Variants in PPARG observed in about 807,000 individuals in gnomAD.
PPARG encodes peroxisome proliferator-activated receptor gamma.
In PPARG, 17 loss-of-function variants were observed where a neutral mutation model predicts 39.2. The ratio of observed to expected loss-of-function variants is 0.43; its 90% CI spans 0.30 to 0.65. The LOEUF (loss-of-function observed/expected upper bound fraction) is 0.65, where lower values mean the gene tolerates loss of function less well. PPARG is among the 30% of genes least tolerant of loss of function. The pLI, the probability that PPARG is intolerant of heterozygous loss-of-function variation, is 0.13. For missense variants in PPARG, 406 were observed against 585.9 expected (o/e 0.69, Z 3.17); for synonymous variants, 223 against 215.7 (o/e 1.03, Z -0.30).
intron 2 of PPARG, among the ~76,000 whole-genome samples, chr3:12,346,078 G>T (rs2048316903): frequency 6.6e-6 from 1 of 152,222 alleles, no homozygotes; most frequent in Non-Finnish European, 1.5e-5. Flanking sequence ...TTGGTTCAAA[G>T]TTACAGTAAT....
At chr3:12,291,555 A>G (rs1337212946) in intron 1 of PPARG, among the ~76,000 whole-genome samples, 1 of 152,206 alleles carries the variant, frequency 6.6e-6, no homozygotes, top group Non-Finnish European at 1.5e-5. Context: ...TATTTAACTA[A>G]AATGTCATGT....
At chr3:12,405,639 A>T (rs2050631854) in intron 5 of PPARG, among the ~76,000 whole-genome samples, 1 of 152,218 alleles carries the variant, frequency 6.6e-6, no homozygotes. Context: ...GAATTCTTTC[A>T]CTTTCTCAGC....
At chr3:12,316,587 G>A (rs556402980) in intron 2 of PPARG, among the ~76,000 whole-genome samples, 1 of 151,616 alleles carries the variant, frequency 6.6e-6, no homozygotes, top group African/African-American at 2.4e-5. Flanking sequence ...ATTTTATATT[G>A]TGTATATTTT....
chr3:12,289,535 A>T (rs768386341), intron 1 of PPARG, among the ~76,000 whole-genome samples: 29 of 152,198 alleles, frequency 1.9e-4, no homozygotes, highest in Non-Finnish European at 4.0e-4. Flanking sequence ...TCGTGAGACA[A>T]ATTGTTAACT....
intron 1 of PPARG, among the ~76,000 whole-genome samples, chr3:12,295,644 G>A (rs558936972): frequency 1.3e-5 from 2 of 151,836 alleles, no homozygotes; most frequent in South Asian, 4.2e-4. Context: ...CTCCCGAGTA[G>A]CTGGGATTAC....
chr3:12,353,739 T>C (rs1025693884), intron 2 of PPARG, among the ~76,000 whole-genome samples: 1 of 152,228 alleles, frequency 6.6e-6, no homozygotes, highest in African/African-American at 2.4e-5. Context: ...GCTCCATCAT[T>C]GCTGTGACCC....
chr3:12,422,175 A>C (rs530735851), intron 7 of PPARG, among the ~76,000 whole-genome samples: 1 of 152,328 alleles, frequency 6.6e-6, no homozygotes, highest in African/African-American at 2.4e-5. Context: ...ATGCTTGTTG[A>C]GTGAATAATC....
chr3:12,385,470 AC>A (rs1490296634), intron 4 of PPARG, among the ~76,000 whole-genome samples: 1 of 152,168 alleles, frequency 6.6e-6, no homozygotes, highest in Non-Finnish European at 1.5e-5. Context: ...GTAAAATAAA[AC>A]CTTTAGCAAC....
chr3:12,377,856 G>C (rs1175185861), intron 2 of PPARG, among the ~76,000 whole-genome samples: 1 of 152,078 alleles, frequency 6.6e-6, no homozygotes, highest in African/African-American at 2.4e-5. Context: ...ATGAAGTTAT[G>C]GATTGCAAAT....
chr3:12,423,173 T>C (rs2051321730), intron 7 of PPARG, among the ~76,000 whole-genome samples: 1 of 152,228 alleles, frequency 6.6e-6, no homozygotes, highest in South Asian at 2.1e-4. Context: ...TAAACACATC[T>C]CTGCTTAATC....
intron 5 of PPARG, chr3:12,399,469 C>T: frequency 2.2e-6 from 1 of 446,940 alleles, no homozygotes. Context: ...TGCCTGTGGT[C>T]CCAGCTACTC....
chr3:12,365,173 T>G (rs182537530), intron 2 of PPARG, among the ~76,000 whole-genome samples: 42 of 152,326 alleles, frequency 2.8e-4, no homozygotes, highest in African/African-American at 9.9e-4. Context: ...TGACAGGAGG[T>G]GGAGCTCAGG....
intron 4 of PPARG, among the ~76,000 whole-genome samples, chr3:12,391,583 A>G (rs905844851): frequency 6.6e-6 from 1 of 152,158 alleles, no homozygotes; most frequent in African/African-American, 2.4e-5. Flanking sequence ...TGAGATGGAG[A>G]AAGCCGCAAG....
chr3:12,351,303 G>A (rs1291363238), intron 2 of PPARG, among the ~76,000 whole-genome samples: 1 of 152,184 alleles, frequency 6.6e-6, no homozygotes, highest in Admixed American at 6.5e-5. Flanking sequence ...CGGCGAGACA[G>A]TGTGGCAATA....
At chr3:12,297,111 A>G (rs1241492753) in intron 1 of PPARG, among the ~76,000 whole-genome samples, 1 of 152,238 alleles carries the variant, frequency 6.6e-6, no homozygotes, top group Non-Finnish European at 1.5e-5. Flanking sequence ...TCATAAAAGC[A>G]TTGTTATAAG....
intron 2 of PPARG, among the ~76,000 whole-genome samples, chr3:12,354,769 AAAG>A (rs2048606120): frequency 6.6e-6 from 1 of 151,424 alleles, no homozygotes; most frequent in African/African-American, 2.4e-5. Context: ...AAAAAAAAAA[AAAG>A]AAAAGAAACC....
intron 4 of PPARG, among the ~76,000 whole-genome samples, chr3:12,383,876 T>G (rs1197281703): frequency 6.6e-6 from 1 of 152,018 alleles, no homozygotes; most frequent in African/African-American, 2.4e-5. Flanking sequence ...GAAATCCAAG[T>G]GCCTTCAACT....
rs11321700 is a variant in PPARG, at chr3:12,341,182, CAA to C, written c.-9+28742_-9+28743del. Among the ~76,000 whole-genome samples, 215 of 140,712 alleles carry C rather than the reference CAA, an allele frequency of 1.5e-3. 1 individual carries two copies. Among genetic ancestry groups the C allele is most frequent in the Middle Eastern group, 3.5e-3 (1 of 284 alleles). The allele number at this position is 140,712 out of a possible 152,430, so 92.3% of individuals were successfully genotyped here. A position where few individuals can be genotyped will look rare whatever the true frequency, so the allele number is the denominator to read the frequency against. ...TGGGCAACAGAGCGAGACTCCGTCT[CAA>C]AAAAAAAAAAAAGATTAGATATTTG... On this transcript the variant is annotated intron_variant, in intron 2 of 7. Coordinates refer to ENST00000651735, the MANE Select transcript of PPARG (RefSeq NM_138711.6).
chr3:12,315,438 T>C (rs892244237), intron 2 of PPARG, among the ~76,000 whole-genome samples: 2 of 152,194 alleles, frequency 1.3e-5, no homozygotes, highest in African/African-American at 4.8e-5. Flanking sequence ...GGGGGGAAGC[T>C]GGCTGAAAGG....
Sources: allele counts gnomAD v4.1 joint callset (sites outside exome capture counted in the v4.1 genomes callset), GRCh38; gene constraint gnomAD v4.1.1; transcripts MANE v1.5; gene names NCBI Gene and HGNC (gene_info 2026-07-23, HGNC 2026-07-21).